The following CDH4 variants were observed in gnomAD, a reference collection of about 807,000 sequenced individuals.
CDH4 encodes the protein cadherin 4, also known as cadherin-4.
CDH4 carries 33 observed loss-of-function variants against 86.0 expected under a neutral mutation model. That is an observed-to-expected ratio of 0.38 (90% CI 0.29 to 0.51). The LOEUF is 0.51. CDH4 is among the 20% of genes least tolerant of loss of function. CDH4 has a pLI of 0.86. For synonymous variants in CDH4, 555 were observed against 549.4 expected (o/e 1.01, Z -0.14); for missense variants, 1,114 against 1,307.4 (o/e 0.85, Z 2.28).
chr20:61,514,533 C>T (rs369185007), intron 2 of CDH4, among the ~76,000 whole-genome samples: 10 of 152,316 alleles, frequency 6.6e-5, no homozygotes, highest in South Asian at 2.1e-4. Flanking sequence ...TCATTTACTT[C>T]TCAGGGCTCG....
At chr20:61,813,370 C>G (rs1216476450) in intron 4 of CDH4, among the ~76,000 whole-genome samples, 1 of 152,164 alleles carries the variant, frequency 6.6e-6, no homozygotes, top group African/African-American at 2.4e-5. Context: ...CTCAACCTGC[C>G]CCTCCCCAGT....
chr20:61,409,558 T>G (rs2085104178), intron 2 of CDH4, among the ~76,000 whole-genome samples: 2 of 152,192 alleles, frequency 1.3e-5, no homozygotes, highest in Non-Finnish European at 2.9e-5. Context: ...GCCACCGCCC[T>G]GAGAGGTATC....
chr20:61,921,280 G>A (rs564284156), intron 9 of CDH4, among the ~76,000 whole-genome samples: 215 of 151,736 alleles, frequency 1.4e-3, no homozygotes, highest in African/African-American at 5.1e-3. Flanking sequence ...TGGTGTCACA[G>A]TGATTGCATG....
chr20:61,700,285 G>T (rs2087761208), intron 2 of CDH4, among the ~76,000 whole-genome samples: 1 of 152,194 alleles, frequency 6.6e-6, no homozygotes, highest in South Asian at 2.1e-4. Context: ...AGCATCGACA[G>T]GGAAGACAGT....
chr20:61,639,572 C>T (rs2086983773), intron 2 of CDH4, among the ~76,000 whole-genome samples: 1 of 152,200 alleles, frequency 6.6e-6, no homozygotes, highest in African/African-American at 2.4e-5. Flanking sequence ...AAGAGGTCAT[C>T]TTGATGAGAC....
intron 2 of CDH4, among the ~76,000 whole-genome samples, chr20:61,671,327 A>G (rs931344089): frequency 6.6e-6 from 1 of 152,176 alleles, no homozygotes; most frequent in African/African-American, 2.4e-5. Flanking sequence ...TCCTGTCTCT[A>G]CAAAAATTAA....
intron 2 of CDH4, among the ~76,000 whole-genome samples, chr20:61,471,487 AT>A (rs536207733): frequency 3.2e-5 from 4 of 124,740 alleles, no homozygotes; most frequent in Middle Eastern, 4.1e-3. Flanking sequence ...CATTTCATTG[AT>A]TTTTTTTGTA....
At chr20:61,908,489 T>G (rs2054815847) in intron 8 of CDH4, among the ~76,000 whole-genome samples, 2 of 152,112 alleles carry the variant, frequency 1.3e-5, no homozygotes, top group African/African-American at 4.8e-5. Flanking sequence ...TCTCACAGCC[T>G]CCTCTCACAC....
intron 2 of CDH4, among the ~76,000 whole-genome samples, chr20:61,618,810 G>A (rs2086746364): frequency 6.6e-6 from 1 of 152,234 alleles, no homozygotes; most frequent in African/African-American, 2.4e-5. Context: ...TCTATGGCAA[G>A]TGGTGAATTC....
At position 61,676,159 on chromosome 20, in the gene CDH4, A is replaced by G. The variant is rs2087442520; in HGVS notation, c.170-67404A>G. On this transcript the variant is annotated intron_variant, in intron 2 of 15. Coordinates refer to ENST00000614565, the MANE Select transcript of CDH4 (RefSeq NM_001794.5). This position sits in a 1 kb window ranked among gnomAD's most constrained non-coding sequence, Gnocchi z 4.5. ...TCTCTGAATGGGGCCTGCCAGTTCG[A>G]ATTTGCACGTGCAGAAAATCACATC... Among the ~76,000 whole-genome samples the G allele has an allele frequency of 1.3e-5, 2 of 152,208 alleles. No individual in the cohort carries two copies. Among genetic ancestry groups the G allele is most frequent in the African/African-American group, 4.8e-5 (2 of 41,458 alleles).
At chr20:61,740,723 T>G (rs893733126) in intron 2 of CDH4, 7 of 152,296 alleles carry the variant, frequency 4.6e-5, no homozygotes, top group African/African-American at 1.7e-4. Flanking sequence ...TTCCTCCTGA[T>G]TCTCCACGGC....
At chr20:61,642,820 C>T (rs2087025019) in intron 2 of CDH4, among the ~76,000 whole-genome samples, 1 of 152,172 alleles carries the variant, frequency 6.6e-6, no homozygotes, top group East Asian at 1.9e-4. Flanking sequence ...GCTCGTAGCT[C>T]CTTCCCCCAT....
chr20:61,512,518 CATG>C (rs1310033935), intron 2 of CDH4, among the ~76,000 whole-genome samples: 3 of 152,206 alleles, frequency 2.0e-5, no homozygotes, highest in Non-Finnish European at 2.9e-5. Context: ...CCACTCACAT[CATG>C]ACCTAGTTCT....
chr20:61,739,495 G>C (rs1253019145), intron 2 of CDH4, among the ~76,000 whole-genome samples: 1 of 152,216 alleles, frequency 6.6e-6, no homozygotes, highest in Non-Finnish European at 1.5e-5. Flanking sequence ...GGTGATGTGA[G>C]GGGAGGGGTA....
intron 3 of CDH4, among the ~76,000 whole-genome samples, chr20:61,750,074 A>T (rs2088471910): frequency 6.6e-6 from 1 of 152,216 alleles, no homozygotes; most frequent in East Asian, 1.9e-4. Flanking sequence ...AAAAGGGCAG[A>T]AAATCAACAA....
rs369679112 is a variant in CDH4 at position 61,871,509 on chromosome 20, G to A, written c.878-2219G>A. On this transcript the variant is annotated intron_variant, in intron 6 of 15. Transcript: ENST00000614565. ...CCTAAGTTACTGCAGTTAGCTCTGC[G>A]CGTGTGTTAGGACTGTTTCTTCCCA... Among the ~76,000 whole-genome samples the A allele has an allele frequency of 1.6e-3, 249 of 152,328 alleles. 2 individuals are homozygous for A. Among genetic ancestry groups the A allele is most frequent in the African/African-American group, 5.7e-3 (238 of 41,574 alleles).
At chr20:61,637,416 A>T (rs2086958793) in intron 2 of CDH4, among the ~76,000 whole-genome samples, 1 of 152,184 alleles carries the variant, frequency 6.6e-6, no homozygotes, top group South Asian at 2.1e-4. Flanking sequence ...GAAGCTGAAC[A>T]TCCCAGTGTG....
chr20:61,683,143 G>A (rs2087535479), intron 2 of CDH4, among the ~76,000 whole-genome samples: 1 of 152,118 alleles, frequency 6.6e-6, no homozygotes, highest in Non-Finnish European at 1.5e-5. Flanking sequence ...ATGTGTTTAT[G>A]GGAGTTTATA....
intron 4 of CDH4, among the ~76,000 whole-genome samples, chr20:61,780,596 G>A (rs1978486612): frequency 6.6e-6 from 1 of 152,184 alleles, no homozygotes; most frequent in African/African-American, 2.4e-5. Flanking sequence ...ACAGTACCTG[G>A]CAATAATAAA....
Sources: allele counts gnomAD v4.1 joint callset (sites outside exome capture counted in the v4.1 genomes callset), GRCh38; gene constraint gnomAD v4.1.1; non-coding constraint Gnocchi (gnomAD v3.1); transcripts MANE v1.5; gene names NCBI Gene and HGNC (gene_info 2026-07-23, HGNC 2026-07-21).